Variants in KLHL23 observed in about 807,000 individuals in gnomAD.
The protein encoded by KLHL23 is kelch like family member 23.
KLHL23 carries 33 observed loss-of-function variants against 48.9 expected under a neutral mutation model. That is an observed-to-expected ratio of 0.67 (90% confidence interval 0.51 to 0.90). The LOEUF (loss-of-function observed/expected upper bound fraction) is 0.90, where lower values mean the gene tolerates loss of function less well. KLHL23 is among the 40% of genes least tolerant of loss of function. The pLI, the probability that KLHL23 is intolerant of heterozygous loss-of-function variation, is 0.00. For synonymous variants in KLHL23, 234 were observed against 231.6 expected (o/e 1.01, Z -0.09); for missense variants, 608 against 669.6 (o/e 0.91, Z 1.02).
intron 3 of KLHL23, 136 bp from the exon 4 acceptor site, chr2:169,749,286 T>C: frequency 1.1e-6 from 1 of 917,054 alleles, no homozygotes; most frequent in Non-Finnish European, 1.6e-6. Flanking sequence ...CAGTATTGTG[T>C]GCCTGAATCA....
intron 2 of KLHL23, among the ~76,000 whole-genome samples, chr2:169,736,571 C>T (rs933238753): frequency 6.6e-6 from 1 of 152,154 alleles, no homozygotes; most frequent in Non-Finnish European, 1.5e-5. Context: ...TCATTAAAAC[C>T]TTGGAAGGTT....
Position 169,735,132 on chromosome 2 carries a change from C to T in KLHL23, c.118C>T (p.Leu40Phe). The change falls in exon 2 of 4, where the codon CTT becomes TTT. Residue 40 changes from leucine to phenylalanine, a missense_variant. Leu to Phe is a conservative substitution (Grantham distance 22, BLOSUM62 0). Coordinates refer to ENST00000392647, the MANE Select transcript of KLHL23 (RefSeq NM_144711.6). This position sits in a 1 kb window ranked among gnomAD's most constrained non-coding sequence, Gnocchi z 4.5. Reference protein sequence around the residue: ...YLDGLFTDITLQCPSGIIFHC... With the variant: ...YLDGLFTDITFQCPSGIIFHC... ...GGATGGATTATTTACTGATATTACTCTTCAGTGTCCTTCAGGCATAATTTT... is the reference window on the plus strand; with the variant it reads ...GGATGGATTATTTACTGATATTACTTTTCAGTGTCCTTCAGGCATAATTTT... The T allele has an allele frequency of 6.2e-7, 1 of 1,613,114 alleles. No individual in the cohort carries two copies. The highest frequency in any genetic ancestry group is 8.5e-7 in the Non-Finnish European group (1 of 1,179,854).
rs1688929135 is a variant in KLHL23, at chr2:169,750,071, TATA to T, written c.*340_*342del. 1.4e-5 allele frequency: 2 copies of T among 147,554 alleles called. 1 individual carries two copies. Among genetic ancestry groups the T allele is most frequent in the South Asian group, 3.9e-4 (2 of 5,108 alleles). 9.1% of individuals were successfully genotyped at this position (147,554 alleles called of 1,614,324 possible). A position where few individuals can be genotyped will look rare whatever the true frequency, so the allele number is the denominator to read the frequency against. On this transcript the variant is annotated 3_prime_UTR_variant, in exon 4 of 4. Transcript: ENST00000392647. The stretch of plus-strand genomic sequence containing the variant: ...ATGTATGTATACATGTATGTGTATA[TATA>T]CGTATGTATGTATACATATATGTGT...
At chr2:169,740,727 C>T (rs192220876) in intron 2 of KLHL23, among the ~76,000 whole-genome samples, 88 of 145,036 alleles carry the variant, frequency 6.1e-4, no homozygotes, top group African/African-American at 1.9e-3. Flanking sequence ...GGATTACAGG[C>T]GTGAGCCACT....
intron 3 of KLHL23, among the ~76,000 whole-genome samples, chr2:169,741,978 C>T (rs1425512700): frequency 6.6e-6 from 1 of 152,192 alleles, no homozygotes; most frequent in Non-Finnish European, 1.5e-5. Flanking sequence ...CTAGGTTTCA[C>T]TTACTATTAA....
At chr2:169,744,942 T>TG (rs1296615475) in intron 3 of KLHL23, among the ~76,000 whole-genome samples, 1 of 130,106 alleles carries the variant, frequency 7.7e-6, no homozygotes, top group Non-Finnish European at 1.6e-5. Context: ...TTTTGTTTTT[T>TG]GTTTTTTTTT....
chr2:169,741,173 G>A (rs1382296900), intron 2 of KLHL23: 20 of 432,172 alleles, frequency 4.6e-5, no homozygotes, highest in Middle Eastern at 6.2e-4. Flanking sequence ...ATCATTGTGC[G>A]TGGTGCATGG....
At chr2:169,747,383 T>C in intron 3 of KLHL23, among the ~76,000 whole-genome samples, 2 of 42,808 alleles carry the variant, frequency 4.7e-5, no homozygotes, top group Non-Finnish European at 1.0e-4. Flanking sequence ...AGCGAGACTC[T>C]GTCTCTAAAA....
At chr2:169,740,655 A>G (rs1375411087) in intron 2 of KLHL23, among the ~76,000 whole-genome samples, 2 of 150,540 alleles carry the variant, frequency 1.3e-5, no homozygotes, top group African/African-American at 2.4e-5. Flanking sequence ...TCACCGTGTT[A>G]GCCAGGATGG....
chr2:169,735,774 T>C lies in KLHL23; in HGVS notation c.760T>C (p.Ser254Pro). The C allele has an allele frequency of 1.2e-6, 2 of 1,614,044 alleles. No individual in the cohort carries two copies. Among genetic ancestry groups the C allele is most frequent in the African/African-American group, 1.3e-5 (1 of 75,040 alleles). The change falls in exon 2 of 4, where the codon TCC (serine) becomes CCC (proline). Residue 254 changes from serine (S) to proline (P), a missense_variant. Physicochemically the swap from Ser to Pro is moderately conservative, Grantham distance 74. Transcript: ENST00000392647. The surrounding 1 kb of genome is among the most constrained non-coding windows in gnomAD (Gnocchi z 4.5). Reference protein sequence around the residue: ...SCLLTENKIRSLIYNALNPMH... With the variant: ...SCLLTENKIRPLIYNALNPMH... ...CCTGCTCACCGAAAATAAGATCCGCTCCCTAATATACAATGCCTTGAATCC... is the reference window on the plus strand; with the variant it reads ...CCTGCTCACCGAAAATAAGATCCGCCCCCTAATATACAATGCCTTGAATCC...
chr2:169,741,318 A>G, intron 2 of KLHL23, 67 bp from the exon 3 acceptor site: 2 of 1,534,352 alleles, frequency 1.3e-6, no homozygotes, highest in Non-Finnish European at 1.8e-6. Flanking sequence ...CAATAAATTT[A>G]GCCCAGGGTT....
intron 3 of KLHL23, among the ~76,000 whole-genome samples, chr2:169,745,357 A>G (rs990300508): frequency 4.6e-5 from 7 of 151,716 alleles, no homozygotes; most frequent in African/African-American, 1.7e-4. Flanking sequence ...CTAAAAATAC[A>G]AAAAAATTAG....
At chr2:169,741,756 T>TA (rs933610168) in intron 3 of KLHL23, among the ~76,000 whole-genome samples, 12 of 152,208 alleles carry the variant, frequency 7.9e-5, no homozygotes, top group African/African-American at 2.9e-4. Context: ...GATGTCTTTA[T>TA]ACAATGCACA....
At position 169,749,621 on chromosome 2, in the gene KLHL23, G is replaced by T; in HGVS notation, c.1566G>T (p.Thr522=). The part of the protein sequence containing the change: ...VTGGYSYSKG[T]YLQSIEKYDP... ...GAGGATACTCCTACTCAAAGGGAACGTATCTTCAGAGCATTGAGAAATATG... is the reference window on the plus strand; with the variant it reads ...GAGGATACTCCTACTCAAAGGGAACTTATCTTCAGAGCATTGAGAAATATG... Residue 522 remains threonine (T), a synonymous_variant, in exon 4 of 4, where the codon ACG becomes ACT. Transcript: ENST00000392647. 6.2e-7 allele frequency: 1 copy of T among 1,614,036 alleles called. No homozygotes were observed. The highest frequency in any genetic ancestry group is 1.1e-5 in the South Asian group (1 of 91,068).
At chr2:169,745,200 G>A (rs1688765705) in intron 3 of KLHL23, among the ~76,000 whole-genome samples, 1 of 151,934 alleles carries the variant, frequency 6.6e-6, no homozygotes, top group Non-Finnish European at 1.5e-5. Flanking sequence ...ACTGCACCTG[G>A]CCCAGCTCTG....
chr2:169,735,464 G>A lies in KLHL23; in HGVS notation c.450G>A (p.Val150=). The A allele has an allele frequency of 1.2e-6, 2 of 1,614,060 alleles. No homozygotes were observed. The highest frequency in any genetic ancestry group is 1.7e-6 in the Non-Finnish European group (2 of 1,180,032). The change falls in exon 2 of 4, where the codon GTG becomes GTA. Residue 150 remains valine (V), a synonymous_variant. Transcript: ENST00000392647. The surrounding 1 kb of genome is among the most constrained non-coding windows in gnomAD (Gnocchi z 4.5). The stretch of plus-strand genomic sequence containing the variant: ...TGCACTCCTTTGCAGAATTTCATGT[G>A]TGTCCAGAACTAGAGAAGGAATCTC... ...IGMHSFAEFH[V]CPELEKESRR... is the part of the protein sequence containing the mutation.
At chr2:169,740,978 A>G (rs373606456) in intron 2 of KLHL23, 1 of 156,264 alleles carries the variant, frequency 6.4e-6, no homozygotes, top group Admixed American at 6.3e-5. Context: ...GCATAGAGCT[A>G]TCCTCTCCTA....
Position 169,747,570 on chromosome 2 carries a change from A to G in KLHL23, c.1367-1852A>G, listed in dbSNP as rs558851933. On this transcript the variant is annotated intron_variant, in intron 3 of 3. Coordinates refer to ENST00000392647, the MANE Select transcript of KLHL23 (RefSeq NM_144711.6). The stretch of plus-strand genomic sequence containing the variant: ...TCCAGCCTCAGCCTCCCCAGTAGCT[A>G]GGATTACAGGTGTGCACCACCACAT... Among the ~76,000 whole-genome samples the G allele has an allele frequency of 8.0e-5, 12 of 150,934 alleles. No individual in the cohort carries two copies. The South Asian group carries it at 2.5e-3, about 32-fold the overall frequency.
chr2:169,741,332 T>C (rs1688671994), intron 2 of KLHL23, 53 bp from the exon 3 acceptor site: 19 of 1,558,540 alleles, frequency 1.2e-5, no homozygotes, highest in Non-Finnish European at 1.7e-5. Flanking sequence ...CAGGGTTCAC[T>C]GCAAAAAAGA....
Sources: gnomAD v4.1 joint callset for allele counts (sites outside exome capture counted in the v4.1 genomes callset) on GRCh38, gnomAD v4.1.1 for gene constraint, Gnocchi (gnomAD v3.1) non-coding constraint, MANE v1.5 for transcripts, NCBI Gene and HGNC (gene_info 2026-07-23, HGNC 2026-07-21) for gene names.